ZNF564: variants seen among roughly 807,000 people sequenced by gnomAD.
ZNF564 encodes zinc finger protein 564.
ZNF564 carries 5 observed loss-of-function variants against 10.5 expected under a neutral mutation model. The ratio of observed to expected loss-of-function variants is 0.48; its 90% CI spans 0.25 to 1.00. ZNF564 has a LOEUF of 1.00. Ranked by LOEUF, ZNF564 falls within the 50% of genes least tolerant of loss-of-function variation. The pLI, the probability that ZNF564 is intolerant of heterozygous loss-of-function variation, is 0.16. For missense variants in ZNF564, 603 were observed against 669.7 expected (o/e 0.90, Z 1.10); for synonymous variants, 242 against 218.1 (o/e 1.11, Z -0.97).
intron 1 of ZNF564, among the ~76,000 whole-genome samples, chr19:12,542,613 C>A (rs2022077977): frequency 6.9e-6 from 1 of 145,300 alleles, no homozygotes; most frequent in Non-Finnish European, 1.5e-5. Flanking sequence ...ATAGGGGGAC[C>A]ATCTCAAGGA....
chr19:12,538,007 T>A (rs2021953393), intron 1 of ZNF564, among the ~76,000 whole-genome samples: 4 of 152,024 alleles, frequency 2.6e-5, no homozygotes, highest in Admixed American at 2.6e-4. Context: ...CTTGTCTAAT[T>A]ACTCTGACTA....
chr19:12,528,351 T>C lies in ZNF564; in HGVS notation c.144A>G (p.Glu48=), dbSNP rs752035475. ...RNLACVGKKW[E]DQSIEDWYKN... ...TGTACCAATCTTCAATGCTCTGGTC[T>C]TCCCATTTTTTTCCTAAAATATAGT... The change falls in exon 3 of 4, where the codon GAA becomes GAG. Residue 48 remains glutamate (E), a synonymous_variant. Coordinates refer to ENST00000339282, the MANE Select transcript of ZNF564 (RefSeq NM_144976.4). The C allele has an allele frequency of 6.2e-7, 1 of 1,607,228 alleles. No homozygotes were observed. The highest frequency in any genetic ancestry group is 8.5e-7 in the Non-Finnish European group (1 of 1,178,512).
intron 1 of ZNF564, among the ~76,000 whole-genome samples, chr19:12,545,370 T>C (rs1568267214): frequency 6.6e-6 from 1 of 152,154 alleles, no homozygotes; most frequent in Admixed American, 6.6e-5. Context: ...TTCTCACCAG[T>C]GACCAGATGT....
rs748954965 is a variant in ZNF564 at position 12,526,656 on chromosome 19, T to C, written c.1452A>G (p.Lys484=). ...EKPYECKECG[K]AFNYASSIRI... Reference sequence around the variant, plus strand: ...TAATGGAACTGGCATAATTGAATGCTTTCCCACATTCTTTACATTCATAGG... The same window carrying C: ...TAATGGAACTGGCATAATTGAATGCCTTCCCACATTCTTTACATTCATAGG... Residue 484 remains lysine (K), a synonymous_variant, in exon 4 of 4, where the codon AAA becomes AAG. Coordinates refer to ENST00000339282, the MANE Select transcript of ZNF564 (RefSeq NM_144976.4). 6.2e-7 allele frequency: 1 copy of C among 1,614,176 alleles called. No homozygotes were observed. Among genetic ancestry groups the C allele is most frequent in the East Asian group, 2.2e-5 (1 of 44,880 alleles).
chr19:12,529,542 G>T (rs1474186366), intron 1 of ZNF564, among the ~76,000 whole-genome samples: 7 of 151,790 alleles, frequency 4.6e-5, no homozygotes, highest in African/African-American at 1.7e-4. Flanking sequence ...GGAAGCGGAG[G>T]TTGCAGTGAG....
At chr19:12,542,519 G>C (rs1463321414) in intron 1 of ZNF564, among the ~76,000 whole-genome samples, 1 of 151,886 alleles carries the variant, frequency 6.6e-6, no homozygotes, top group East Asian at 1.9e-4. Flanking sequence ...TACTCAGGAG[G>C]TTGAGGCAGG....
At chr19:12,538,358 G>T (rs2021959215) in intron 1 of ZNF564, among the ~76,000 whole-genome samples, 1 of 151,904 alleles carries the variant, frequency 6.6e-6, no homozygotes, top group Non-Finnish European at 1.5e-5. Context: ...AGGCGCAGTG[G>T]CTCACGCCTG....
chr19:12,534,401 T>C (rs2021867670), intron 1 of ZNF564, among the ~76,000 whole-genome samples: 1 of 152,170 alleles, frequency 6.6e-6, no homozygotes, highest in Admixed American at 6.6e-5. Flanking sequence ...GGCTAAAATT[T>C]AAAACACTGA....
chr19:12,550,488 T>G (rs940617842), intron 1 of ZNF564: 1 of 282,094 alleles, frequency 3.5e-6, no homozygotes. Flanking sequence ...AAACCCAGTT[T>G]CTACCAAAAA....
intron 1 of ZNF564, among the ~76,000 whole-genome samples, chr19:12,540,223 G>A (rs1460948920): frequency 6.6e-6 from 1 of 152,216 alleles, no homozygotes; most frequent in Non-Finnish European, 1.5e-5. Flanking sequence ...AGTGGGGCAT[G>A]TGGTGAGAAG....
At chr19:12,538,935 T>C (rs757707105) in intron 1 of ZNF564, among the ~76,000 whole-genome samples, 6 of 151,654 alleles carry the variant, frequency 4.0e-5, no homozygotes, top group Non-Finnish European at 7.4e-5. Context: ...ATGTTAAAAA[T>C]AGGGGAGGTA....
rs781425514 is a variant in ZNF564 at position 12,528,366 on chromosome 19, T to G, written c.131-2A>C. On this transcript the variant is annotated splice_acceptor_variant, in intron 2 of 3. Coordinates refer to ENST00000339282, the MANE Select transcript of ZNF564 (RefSeq NM_144976.4). LOFTEE classifies it high-confidence loss of function. ...TGCTCTGGTCTTCCCATTTTTTTCCTAAAATATAGTCAGAAAAAATCCTTA... is the reference window on the plus strand; with the variant it reads ...TGCTCTGGTCTTCCCATTTTTTTCCGAAAATATAGTCAGAAAAAATCCTTA... The G allele has an allele frequency of 4.4e-6, 7 of 1,603,292 alleles. No homozygotes were observed. The highest frequency in any genetic ancestry group is 5.1e-6 in the Non-Finnish European group (6 of 1,177,502).
intron 1 of ZNF564, among the ~76,000 whole-genome samples, chr19:12,546,771 T>C (rs1234630664): frequency 6.6e-6 from 1 of 152,086 alleles, no homozygotes; most frequent in Non-Finnish European, 1.5e-5. Flanking sequence ...ATTCCCATTG[T>C]TTACTTCATA....
At chr19:12,540,625 C>T (rs776329739) in intron 1 of ZNF564, among the ~76,000 whole-genome samples, 13 of 151,998 alleles carry the variant, frequency 8.6e-5, no homozygotes, top group Admixed American at 5.2e-4. Flanking sequence ...GAGGCCAAGG[C>T]GGGCAGATCA....
Position 12,526,688 on chromosome 19 carries a change from C to T in ZNF564, c.1420G>A (p.Glu474Lys). 6.2e-7 allele frequency: 1 copy of T among 1,614,172 alleles called. No individual in the cohort carries two copies. Among genetic ancestry groups the T allele is most frequent in the South Asian group, 1.1e-5 (1 of 91,082 alleles). ...VRTHERTHTG[E>K]KPYECKECGK... Reference sequence around the variant, plus strand: ...CATTCTTTACATTCATAGGGTTTTTCTCCAGTATGAGTTCTTTCATGTGTT... The same window carrying T: ...CATTCTTTACATTCATAGGGTTTTTTTCCAGTATGAGTTCTTTCATGTGTT... The change falls in exon 4 of 4, where the codon GAA (glutamate) becomes AAA (lysine). Residue 474 changes from glutamate (E) to lysine (K), a missense_variant. Transcript: ENST00000339282.
intron 1 of ZNF564, chr19:12,550,136 T>C (rs1036383649): frequency 4.0e-5 from 6 of 150,954 alleles, no homozygotes; most frequent in South Asian, 2.0e-4. Context: ...CTACTAAAAA[T>C]ACAAAATTAG....
intron 1 of ZNF564, among the ~76,000 whole-genome samples, chr19:12,532,235 TA>T (rs994371367): frequency 1.5e-4 from 23 of 149,328 alleles, no homozygotes; most frequent in South Asian, 6.4e-4. Context: ...AAAAAAAATT[TA>T]AAAAAAAAAA....
chr19:12,527,063 A>C lies in ZNF564; in HGVS notation c.1045T>G (p.Ser349Ala). 6.2e-7 allele frequency: 1 copy of C among 1,613,698 alleles called. No homozygotes were observed. Among genetic ancestry groups the C allele is most frequent in the Non-Finnish European group, 8.5e-7 (1 of 1,179,918 alleles). The change falls in exon 4 of 4, where the codon TCC becomes GCC. Residue 349 changes from serine to alanine, a missense_variant. Transcript: ENST00000339282. ...CNKCGKTFSS[S>A]SNVRTHERTH... Reference sequence around the variant, plus strand: ...CTTTCATGTGTTCGAACATTACTGGAAGAACTGAAGGTTTTACCACATTTA... The same window carrying C: ...CTTTCATGTGTTCGAACATTACTGGCAGAACTGAAGGTTTTACCACATTTA...
chr19:12,530,246 A>C (rs7252992), intron 1 of ZNF564: 2 of 151,962 alleles, frequency 1.3e-5, no homozygotes, highest in Admixed American at 6.6e-5. Flanking sequence ...TCTGCAAAAG[A>C]AGTCATTTTA....
Sources: gnomAD v4.1 joint callset for allele counts (sites outside exome capture counted in the v4.1 genomes callset) on GRCh38, gnomAD v4.1.1 for gene constraint, MANE v1.5 for transcripts, NCBI Gene and HGNC (gene_info 2026-07-23, HGNC 2026-07-21) for gene names.